NKAIN2: variants seen among roughly 807,000 people sequenced by gnomAD.
NKAIN2 encodes the protein sodium/potassium transporting ATPase interacting 2.
NKAIN2 carries 14 observed loss-of-function variants against 32.6 expected under a neutral mutation model. That is an observed-to-expected ratio of 0.43 (90% CI 0.28 to 0.67). The LOEUF is 0.67. NKAIN2 is among the 30% of genes least tolerant of loss of function. The pLI is 0.17. For synonymous variants in NKAIN2, 80 were observed against 87.2 expected (o/e 0.92, Z 0.46); for missense variants, 198 against 258.3 (o/e 0.77, Z 1.60).
intron 3 of NKAIN2, among the ~76,000 whole-genome samples, chr6:124,647,513 A>G (rs1784221742): frequency 6.6e-6 from 1 of 150,930 alleles, no homozygotes; most frequent in Admixed American, 6.6e-5. Flanking sequence ...AAAAAAAAAA[A>G]AAAAAAAGAC....
At chr6:124,473,070 A>G (rs968106527) in intron 3 of NKAIN2, among the ~76,000 whole-genome samples, 1 of 152,212 alleles carries the variant, frequency 6.6e-6, no homozygotes, top group Admixed American at 6.6e-5. Context: ...GAACCCACAA[A>G]GGAAAGCGCC....
chr6:124,140,513 T>C (rs4895431), intron 1 of NKAIN2, among the ~76,000 whole-genome samples: 4,433 of 152,102 alleles, frequency 0.029, 180 homozygotes, highest in East Asian at 0.12. Context: ...TACGTGCCAT[T>C]TTTTTTACTG....
At chr6:124,302,664 C>A (rs755368619) in intron 2 of NKAIN2, among the ~76,000 whole-genome samples, 1 of 151,956 alleles carries the variant, frequency 6.6e-6, no homozygotes, top group Non-Finnish European at 1.5e-5. Context: ...ATGTTCCAGG[C>A]ACTTTGGTAT....
At chr6:124,454,812 C>T (rs1396490823) in intron 3 of NKAIN2, among the ~76,000 whole-genome samples, 1 of 152,024 alleles carries the variant, frequency 6.6e-6, no homozygotes, top group African/African-American at 2.4e-5. Flanking sequence ...CATTTAGCTT[C>T]TTTCAGGACT....
intron 4 of NKAIN2, among the ~76,000 whole-genome samples, chr6:124,771,684 TTC>T (rs1778765073): frequency 3.9e-5 from 6 of 152,218 alleles, no homozygotes; most frequent in Admixed American, 3.9e-4. Flanking sequence ...ATTTCTCTTT[TTC>T]TCTTTCTACT....
At chr6:123,929,542 G>T (rs1776158201) in intron 1 of NKAIN2, among the ~76,000 whole-genome samples, 1 of 152,076 alleles carries the variant, frequency 6.6e-6, no homozygotes, top group South Asian at 2.1e-4. Context: ...GCATGTTCAT[G>T]CTTAAACCAA....
chr6:124,047,131 C>G (rs1183214349), intron 1 of NKAIN2, among the ~76,000 whole-genome samples: 1 of 151,918 alleles, frequency 6.6e-6, no homozygotes, highest in Non-Finnish European at 1.5e-5. Context: ...CCTTTACAAT[C>G]CAATTACTTT....
intron 1 of NKAIN2, among the ~76,000 whole-genome samples, chr6:124,107,887 T>C (rs1275003418): frequency 2.0e-5 from 3 of 152,180 alleles, no homozygotes; most frequent in Non-Finnish European, 4.4e-5. Context: ...CTACATAATA[T>C]TCCATTGTAT....
intron 1 of NKAIN2, among the ~76,000 whole-genome samples, chr6:123,834,252 TCAAGTGAGTCTC>T (rs1283947480): frequency 6.6e-6 from 1 of 152,178 alleles, no homozygotes; most frequent in Non-Finnish European, 1.5e-5. Context: ...CCTCCCGGGT[TCAAGTGAGTCTC>T]CTGCCTCAGC....
chr6:124,457,873 A>G (rs533162691), intron 3 of NKAIN2, among the ~76,000 whole-genome samples: 2 of 152,008 alleles, frequency 1.3e-5, no homozygotes, highest in East Asian at 1.9e-4. Flanking sequence ...TTTATTTCTT[A>G]GTTTTAGAGG....
intron 4 of NKAIN2, among the ~76,000 whole-genome samples, chr6:124,735,427 T>C (rs1776888927): frequency 1.3e-5 from 2 of 151,946 alleles, no homozygotes; most frequent in African/African-American, 4.8e-5. Context: ...CTTTATAAAT[T>C]TTATTTGTTG....
In NKAIN2 at chr6:123,857,262, A is replaced by AT. The variant is rs11346130; in HGVS notation, c.54+53022dup. Among the ~76,000 whole-genome samples, 758 of 146,180 alleles carry AT rather than the reference A, an allele frequency of 5.2e-3. 4 individuals carry two copies. The highest frequency in any genetic ancestry group is 0.021 in the Middle Eastern group (6 of 286). On this transcript the variant is annotated intron_variant, in intron 1 of 6. Transcript: ENST00000368417. ...CATTTAAAACAAGCCTGTGATTTAG[A>AT]TTTTTTTTTTTTTTGCATATGTGAT...
chr6:124,429,464 A>G (rs1446858922), intron 3 of NKAIN2, among the ~76,000 whole-genome samples: 2 of 152,192 alleles, frequency 1.3e-5, no homozygotes, highest in East Asian at 1.9e-4. Context: ...CTGTGTTCCC[A>G]TGGCACTTTG....
chr6:124,609,359 T>TCTACAAATGAC, intron 3 of NKAIN2, among the ~76,000 whole-genome samples: 1 of 152,180 alleles, frequency 6.6e-6, no homozygotes, highest in Non-Finnish European at 1.5e-5. Context: ...TTACTTTATT[T>TCTACAAATGAC]TTTCATCACT....
At chr6:124,399,439 TACATTA>T in intron 3 of NKAIN2, among the ~76,000 whole-genome samples, 3 of 152,332 alleles carry the variant, frequency 2.0e-5, no homozygotes, top group Admixed American at 2.0e-4. Flanking sequence ...ATCTACAGGC[TACATTA>T]AGAAATAAGA....
chr6:124,573,399 C>G (rs1299762847), intron 3 of NKAIN2, among the ~76,000 whole-genome samples: 1 of 151,998 alleles, frequency 6.6e-6, no homozygotes, highest in Non-Finnish European at 1.5e-5. Context: ...GATTCCCTCT[C>G]TCCTGATCTT....
At chr6:124,023,711 A>G (rs1375188873) in intron 1 of NKAIN2, among the ~76,000 whole-genome samples, 2 of 152,194 alleles carry the variant, frequency 1.3e-5, no homozygotes, top group Non-Finnish European at 2.9e-5. Flanking sequence ...CTGTGCTAAA[A>G]TACATCTGAA....
At chr6:124,105,827 G>A (rs970698583) in intron 1 of NKAIN2, among the ~76,000 whole-genome samples, 3 of 152,082 alleles carry the variant, frequency 2.0e-5, no homozygotes, top group South Asian at 2.1e-4. Context: ...AAACATAATC[G>A]TGCTACTTCC....
At chr6:124,592,878 A>G (rs1018684859) in intron 3 of NKAIN2, among the ~76,000 whole-genome samples, 1 of 152,184 alleles carries the variant, frequency 6.6e-6, no homozygotes, top group African/African-American at 2.4e-5. Flanking sequence ...CAAAAATGCT[A>G]AGTATCATGA....
Sources: allele counts gnomAD v4.1 joint callset (sites outside exome capture counted in the v4.1 genomes callset), GRCh38; gene constraint gnomAD v4.1.1; transcripts MANE v1.5; gene names NCBI Gene and HGNC (gene_info 2026-07-23, HGNC 2026-07-21).